The following TBC1D16 variants were observed in gnomAD, a reference collection of about 807,000 sequenced individuals.
TBC1D16 encodes the protein CTD-2529O21.1.
A neutral mutation model predicts 74.7 loss-of-function variants in TBC1D16; 58 were observed. The ratio of observed to expected loss-of-function variants is 0.78; its 90% CI spans 0.63 to 0.97. TBC1D16 has a LOEUF of 0.97. Ranked by LOEUF, TBC1D16 falls within the 50% of genes least tolerant of loss-of-function variation. TBC1D16 has a pLI of 0.00. For synonymous variants in TBC1D16, 493 were observed against 474.7 expected, an observed-to-expected ratio of 1.04 and a Z score of -0.50; for missense variants, 1,014 against 1,079.5, an observed-to-expected ratio of 0.94 and a Z score of 0.85.
chr17:79,974,823 C>T lies in TBC1D16; in HGVS notation c.780-22005G>A, dbSNP rs116803469. On this transcript the variant is annotated intron_variant, in intron 3 of 11. Transcript: ENST00000310924. ...TGGGGCTGGTAGGAGGCTGGGTTCA[C>T]GCTCAGGTTTATCTTATGATGCTGA... Among the ~76,000 whole-genome samples the T allele has an allele frequency of 5.2e-3, 794 of 152,272 alleles. 8 individuals are homozygous for T. Among genetic ancestry groups the T allele is most frequent in the African/African-American group, 0.017 (714 of 41,546 alleles).
Position 80,009,336 on chromosome 17 carries a change from C to T in TBC1D16, c.779+824G>A, listed in dbSNP as rs2035792575. 6.6e-6 allele frequency among the ~76,000 whole-genome samples: 1 copy of T among 152,222 alleles called. No homozygotes were observed. The highest frequency in any genetic ancestry group is 2.4e-5 in the African/African-American group (1 of 41,462). On this transcript the variant is annotated intron_variant, in intron 3 of 11. Transcript: ENST00000310924. The surrounding 1 kb of genome is among the most constrained non-coding windows in gnomAD (Gnocchi z 5.4). Reference sequence around the variant, plus strand: ...GGCTGTGGAAGTCGGATGCAGGCCCCCTGTGCTGGCTCTGGGGCTCCGGGC... The same window carrying T: ...GGCTGTGGAAGTCGGATGCAGGCCCTCTGTGCTGGCTCTGGGGCTCCGGGC...
Position 80,010,156 on chromosome 17 carries a change from TC to T in TBC1D16, c.779+3del. The stretch of plus-strand genomic sequence containing the variant: ...AGAGCCCACGCCCAGAACCAGGAAC[TC>T]ACCTGCTGTCACTTTCCAGAAACAC... On this transcript the variant is annotated splice_donor_region_variant and intron_variant, in intron 3 of 11. Coordinates refer to ENST00000310924, the MANE Select transcript of TBC1D16 (RefSeq NM_019020.4). This position sits in a 1 kb window ranked among gnomAD's most constrained non-coding sequence, Gnocchi z 8.8. The T allele has an allele frequency of 6.2e-7, 1 of 1,605,600 alleles. No individual in the cohort carries two copies. The highest frequency in any genetic ancestry group is 8.5e-7 in the Non-Finnish European group (1 of 1,175,456).
In TBC1D16 at chr17:79,988,286, G is replaced by C. The variant is rs1190292833; in HGVS notation, c.779+21874C>G. On this transcript the variant is annotated intron_variant, in intron 3 of 11. Transcript: ENST00000310924. This position sits in a 1 kb window ranked among gnomAD's most constrained non-coding sequence, Gnocchi z 5.7. ...CTTTGATGCACTCTCCAAAGTCACA[G>C]AGCAAAACAACACGCTGAACAAACA... 1.3e-5 allele frequency among the ~76,000 whole-genome samples: 2 copies of C among 152,236 alleles called. No individual in the cohort carries two copies. Among genetic ancestry groups the C allele is most frequent in the Non-Finnish European group, 2.9e-5 (2 of 68,050 alleles).
rs1351147106 is a variant in TBC1D16, at chr17:79,993,579, T to C, written c.779+16581A>G. On this transcript the variant is annotated intron_variant, in intron 3 of 11. Transcript: ENST00000310924. This position sits in a 1 kb window ranked among gnomAD's most constrained non-coding sequence, Gnocchi z 5.1. ...AGTCTTTCGACCGCAAGACAAAAGG[T>C]CCTTTGCCCCCACTACCTGCAACTT... 2.6e-5 allele frequency: 4 copies of C among 152,116 alleles called. No homozygotes were observed. The highest frequency in any genetic ancestry group is 5.9e-5 in the Non-Finnish European group (4 of 68,016). 9.4% of individuals were successfully genotyped at this position (152,116 alleles called of 1,614,324 possible).
Position 79,938,124 on chromosome 17 carries a change from G to C in TBC1D16, c.*2735C>G, listed in dbSNP as rs78436252. Reference sequence around the variant, plus strand: ...CTCGCTGGCTGGGAATAATCCCGGGGCAACAGCTGCCGCGGGGTTTTTGGC... The same window carrying C: ...CTCGCTGGCTGGGAATAATCCCGGGCCAACAGCTGCCGCGGGGTTTTTGGC... On this transcript the variant is annotated 3_prime_UTR_variant, in exon 12 of 12. Coordinates refer to ENST00000310924, the MANE Select transcript of TBC1D16 (RefSeq NM_019020.4). The C allele has an allele frequency of 6.6e-6, 1 of 152,144 alleles. No individual in the cohort carries two copies. Among genetic ancestry groups the C allele is most frequent in the Admixed American group, 6.5e-5 (1 of 15,280 alleles). 9.4% of individuals were successfully genotyped at this position (152,144 alleles called of 1,614,324 possible).
chr17:79,934,025 A>G lies in TBC1D16; in HGVS notation c.*6834T>C, dbSNP rs2143208136. On this transcript the variant is annotated 3_prime_UTR_variant, in exon 12 of 12. Coordinates refer to ENST00000310924, the MANE Select transcript of TBC1D16 (RefSeq NM_019020.4). ...ATGCTCGCTGCCCAGCTGTGTGGCA[A>G]GGGCACTCCCTAGGCACTGAGCAGC... 1 of 152,286 alleles carries G rather than the reference A, an allele frequency of 6.6e-6. No individual in the cohort carries two copies. The highest frequency in any genetic ancestry group is 1.9e-4 in the East Asian group (1 of 5,168). 9.4% of individuals were successfully genotyped at this position (152,286 alleles called of 1,614,324 possible).
At position 79,940,026 on chromosome 17, in the gene TBC1D16, C is replaced by T. The variant is rs1030464645; in HGVS notation, c.*833G>A. 6.6e-6 allele frequency: 1 copy of T among 152,172 alleles called. No individual in the cohort carries two copies. Among genetic ancestry groups the T allele is most frequent in the Non-Finnish European group, 1.5e-5 (1 of 68,026 alleles). The allele number at this position is 152,172 out of a possible 1,614,324, so 9.4% of individuals were successfully genotyped here. On this transcript the variant is annotated 3_prime_UTR_variant, in exon 12 of 12. Coordinates refer to ENST00000310924, the MANE Select transcript of TBC1D16 (RefSeq NM_019020.4). The surrounding 1 kb of genome is among the most constrained non-coding windows in gnomAD (Gnocchi z 5.4). ...ACACGCACACATCGACCCATTCAAG[C>T]CCCAGCTGGTTGCTGTATTTGGTGG...
In TBC1D16 at chr17:79,993,140, G is replaced by C. The variant is rs1242918199; in HGVS notation, c.779+17020C>G. On this transcript the variant is annotated intron_variant, in intron 3 of 11. Transcript: ENST00000310924. The surrounding 1 kb of genome is among the most constrained non-coding windows in gnomAD (Gnocchi z 5.1). ...TGCAGAGGGGAAACTGAGGCAATGA[G>C]GGTAATAACCCACCAGCACACAGCC... Among the ~76,000 whole-genome samples the C allele has an allele frequency of 6.6e-6, 1 of 152,242 alleles. No homozygotes were observed. Among genetic ancestry groups the C allele is most frequent in the East Asian group, 1.9e-4 (1 of 5,200 alleles).
Position 79,987,488 on chromosome 17 carries a change from C to T in TBC1D16, c.779+22672G>A, listed in dbSNP as rs1393815781. Among the ~76,000 whole-genome samples the T allele has an allele frequency of 6.6e-6, 1 of 152,134 alleles. No individual in the cohort carries two copies. Among genetic ancestry groups the T allele is most frequent in the Non-Finnish European group, 1.5e-5 (1 of 68,022 alleles). On this transcript the variant is annotated intron_variant, in intron 3 of 11. Transcript: ENST00000310924. The surrounding 1 kb of genome is among the most constrained non-coding windows in gnomAD (Gnocchi z 5.2). ...TCTTGAACTCCTGGGCTCAAGCGCTCCTCCTGCCTCGGCCTCCCAAAGTGC... is the reference window on the plus strand; with the variant it reads ...TCTTGAACTCCTGGGCTCAAGCGCTTCTCCTGCCTCGGCCTCCCAAAGTGC...
In TBC1D16 at chr17:79,950,779, T is replaced by G. The variant is rs1435742587; in HGVS notation, c.1090-201A>C. The G allele has an allele frequency of 6.5e-7, 1 of 1,536,106 alleles. No homozygotes were observed. The highest frequency in any genetic ancestry group is 8.7e-7 in the Non-Finnish European group (1 of 1,146,896). ...ACCTTCATCTTAAAATCGGTTTCCCTCTGCGGCTCTCTCCTCCCCGGCCCA... is the reference window on the plus strand; with the variant it reads ...ACCTTCATCTTAAAATCGGTTTCCCGCTGCGGCTCTCTCCTCCCCGGCCCA... On this transcript the variant is annotated intron_variant, in intron 5 of 11. Coordinates refer to ENST00000310924, the MANE Select transcript of TBC1D16 (RefSeq NM_019020.4). The surrounding 1 kb of genome is among the most constrained non-coding windows in gnomAD (Gnocchi z 4.6).
intron 1 of TBC1D16, among the ~76,000 whole-genome samples, chr17:80,014,574 A>G (rs944508732): frequency 6.6e-6 from 1 of 152,162 alleles, no homozygotes; most frequent in African/African-American, 2.4e-5. Context: ...AGCAATTTTA[A>G]GTCAAAAAAT....
At chr17:80,023,320 G>T (rs986488227) in intron 1 of TBC1D16, among the ~76,000 whole-genome samples, 1 of 149,814 alleles carries the variant, frequency 6.7e-6, no homozygotes, top group Admixed American at 6.6e-5. Context: ...GGGGTATTGC[G>T]AACGGGCTCC....
In TBC1D16 at chr17:79,979,706, G is replaced by A. The variant is rs1177592287; in HGVS notation, c.780-26888C>T. On this transcript the variant is annotated intron_variant, in intron 3 of 11. Coordinates refer to ENST00000310924, the MANE Select transcript of TBC1D16 (RefSeq NM_019020.4). The surrounding 1 kb of genome is among the most constrained non-coding windows in gnomAD (Gnocchi z 4.8). ...GGAAAGGAATGTAACCTGTCAGGCCGCAAATCCCACGGTTCTCACTAGGAG... is the reference window on the plus strand; with the variant it reads ...GGAAAGGAATGTAACCTGTCAGGCCACAAATCCCACGGTTCTCACTAGGAG... Among the ~76,000 whole-genome samples the A allele has an allele frequency of 1.3e-5, 2 of 151,970 alleles. No individual in the cohort carries two copies. Among genetic ancestry groups the A allele is most frequent in the African/African-American group, 2.4e-5 (1 of 41,368 alleles).
chr17:80,016,028 A>T (rs2144709596), intron 1 of TBC1D16, among the ~76,000 whole-genome samples: 1 of 151,438 alleles, frequency 6.6e-6, no homozygotes, highest in Admixed American at 6.6e-5. Context: ...AAAAAAAAAA[A>T]AAGAATTAGT....
intron 4 of TBC1D16, among the ~76,000 whole-genome samples, 187 bp from the exon 5 acceptor site, chr17:79,951,784 C>G (rs1002161431): frequency 6.6e-6 from 1 of 152,184 alleles, no homozygotes; most frequent in Non-Finnish European, 1.5e-5. Flanking sequence ...CCCCCTTTGC[C>G]GAAGATGGCA....
At chr17:80,020,446 G>A (rs1289696142) in intron 1 of TBC1D16, among the ~76,000 whole-genome samples, 4 of 149,308 alleles carry the variant, frequency 2.7e-5, no homozygotes, top group Admixed American at 1.3e-4. Context: ...TTAGCCAAGC[G>A]TAGGGGCGGG....
intron 1 of TBC1D16, among the ~76,000 whole-genome samples, chr17:80,033,303 C>T (rs2036836631): frequency 6.6e-6 from 1 of 152,038 alleles, no homozygotes; most frequent in South Asian, 2.1e-4. Flanking sequence ...GAAATTAAGG[C>T]ACTGGAGAAT....
In TBC1D16 at chr17:79,990,272, G is replaced by A. The variant is rs566755747; in HGVS notation, c.779+19888C>T. ...GCGTGTGCGGTGACGGGTCTCGGGCGCCCAGCCAGCGAGGGGCCGGCTCCA... is the reference window on the plus strand; with the variant it reads ...GCGTGTGCGGTGACGGGTCTCGGGCACCCAGCCAGCGAGGGGCCGGCTCCA... On this transcript the variant is annotated intron_variant, in intron 3 of 11. Coordinates refer to ENST00000310924, the MANE Select transcript of TBC1D16 (RefSeq NM_019020.4). This position sits in a 1 kb window ranked among gnomAD's most constrained non-coding sequence, Gnocchi z 4.8. Among the ~76,000 whole-genome samples the A allele has an allele frequency of 1.3e-5, 2 of 152,218 alleles. No individual in the cohort carries two copies. The highest frequency in any genetic ancestry group is 2.1e-4 in the South Asian group (1 of 4,834).
At position 80,007,945 on chromosome 17, in the gene TBC1D16, C is replaced by T. The variant is rs2144647547; in HGVS notation, c.779+2215G>A. The stretch of plus-strand genomic sequence containing the variant: ...GGTGGGTCCCAGGCAGAGGGACAGC[C>T]TGGCTTCCAGAGTGAGTGCACAGCA... On this transcript the variant is annotated intron_variant, in intron 3 of 11. Transcript: ENST00000310924. The surrounding 1 kb of genome is among the most constrained non-coding windows in gnomAD (Gnocchi z 4.5). Among the ~76,000 whole-genome samples the T allele has an allele frequency of 6.6e-6, 1 of 152,152 alleles. No individual in the cohort carries two copies. The highest frequency in any genetic ancestry group is 6.5e-5 in the Admixed American group (1 of 15,282).
Sources: gnomAD v4.1 joint callset for allele counts (sites outside exome capture counted in the v4.1 genomes callset) on GRCh38, gnomAD v4.1.1 for gene constraint, Gnocchi (gnomAD v3.1) non-coding constraint, MANE v1.5 for transcripts, NCBI Gene and HGNC (gene_info 2026-07-23, HGNC 2026-07-21) for gene names.